Variants in ALK observed in about 807,000 individuals in gnomAD.
ALK encodes the protein ALK receptor tyrosine kinase.
In ALK, 74 loss-of-function variants were observed where a neutral mutation model predicts 163.1. The observed-to-expected ratio is 0.45, with a 90% CI of 0.38 to 0.55. The LOEUF (loss-of-function observed/expected upper bound fraction) is 0.55, where lower values mean the gene tolerates loss of function less well. Ranked by LOEUF, ALK falls within the 20% of genes least tolerant of loss-of-function variation. The pLI, the probability that ALK is intolerant of heterozygous loss-of-function variation, is 0.00. For synonymous variants in ALK, 960 were observed against 843.2 expected (o/e 1.14, Z -2.40); for missense variants, 2,063 against 2,105.3 (o/e 0.98, Z 0.39).
chr2:29,386,480 T>C (rs1391288877), intron 4 of ALK, among the ~76,000 whole-genome samples: 1 of 152,230 alleles, frequency 6.6e-6, no homozygotes, highest in African/African-American at 2.4e-5. Context: ...GCCGAATTTG[T>C]CTTGTTCTTC....
At chr2:29,528,884 C>T (rs1292625184) in intron 4 of ALK, among the ~76,000 whole-genome samples, 1 of 152,306 alleles carries the variant, frequency 6.6e-6, no homozygotes. Context: ...TTCTCTGCTT[C>T]CTTGCTTCTC....
Position 29,920,364 on chromosome 2 carries a change from A to G in ALK, c.296T>C (p.Leu99Pro). 1 of 1,556,234 alleles carries G rather than the reference A, an allele frequency of 6.4e-7. No homozygotes were observed. The highest frequency in any genetic ancestry group is 8.7e-7 in the Non-Finnish European group (1 of 1,151,124). ...CCCCGGCGCCGGCCCCAGCAACCTGAGCAGCGGGGCGCAGTCCAGAGCTAG... is the reference window on the plus strand; with the variant it reads ...CCCCGGCGCCGGCCCCAGCAACCTGGGCAGCGGGGCGCAGTCCAGAGCTAG... ...GSLALDCAPL[L>P]RLLGPAPGVS... is the part of the protein sequence containing the mutation. Residue 99 changes from leucine (L) to proline (P), a missense_variant, in exon 1 of 29, where the codon CTC (leucine) becomes CCC (proline). Physicochemically the swap from Leu to Pro is moderately conservative, Grantham distance 98. This residue lies in a region of ALK where 987 missense variants were observed against 939.5 expected (regional missense o/e 1.05). Coordinates refer to ENST00000389048, the MANE Select transcript of ALK (RefSeq NM_004304.5).
At chr2:29,202,055 C>T (rs148069963) in intron 26 of ALK, among the ~76,000 whole-genome samples, 19 of 152,258 alleles carry the variant, frequency 1.2e-4, no homozygotes, top group East Asian at 5.8e-4. Context: ...GTTCCAAGGC[C>T]GTCTGTGTTC....
At chr2:29,492,406 G>A (rs1671923470) in intron 4 of ALK, among the ~76,000 whole-genome samples, 1 of 152,188 alleles carries the variant, frequency 6.6e-6, no homozygotes, top group Non-Finnish European at 1.5e-5. Context: ...AGACAAGGAT[G>A]AAGGCCCTTG....
chr2:29,220,630 C>A, intron 23 of ALK, 76 bp downstream of exon 23: 1 of 1,604,510 alleles, frequency 6.2e-7, no homozygotes, highest in South Asian at 1.1e-5. Flanking sequence ...GCTACCCAGG[C>A]TGCCCACTCT....
At chr2:29,526,369 G>A (rs970328290) in intron 4 of ALK, among the ~76,000 whole-genome samples, 5 of 152,160 alleles carry the variant, frequency 3.3e-5, no homozygotes, top group East Asian at 1.9e-4. Flanking sequence ...AGAGAACTTC[G>A]AGCTACGTGA....
intron 4 of ALK, among the ~76,000 whole-genome samples, chr2:29,524,729 A>C (rs1672909829): frequency 6.6e-6 from 1 of 152,216 alleles, no homozygotes; most frequent in East Asian, 1.9e-4. Context: ...CAATATGTGA[A>C]GTACAAAGAG....
chr2:29,381,761 A>T (rs1668901741), intron 5 of ALK, among the ~76,000 whole-genome samples: 1 of 152,296 alleles, frequency 6.6e-6, no homozygotes, highest in African/African-American at 2.4e-5. Context: ...AAACATAGAC[A>T]TTTGCCTACA....
intron 3 of ALK, chr2:29,681,107 T>A (rs1678053501): frequency 6.6e-6 from 1 of 152,182 alleles, no homozygotes; most frequent in Non-Finnish European, 1.5e-5. Flanking sequence ...ATCAGCAAAG[T>A]AGTTTTGACC....
intron 5 of ALK, among the ~76,000 whole-genome samples, chr2:29,353,496 C>T (rs1005273670): frequency 1.3e-5 from 2 of 152,198 alleles, no homozygotes; most frequent in Non-Finnish European, 2.9e-5. Flanking sequence ...GCTTTTATTG[C>T]TTTGCCGAGT....
intron 4 of ALK, among the ~76,000 whole-genome samples, chr2:29,480,957 G>A (rs560679668): frequency 1.3e-5 from 2 of 152,258 alleles, no homozygotes; most frequent in East Asian, 1.9e-4. Flanking sequence ...CGAGGTTGCT[G>A]GTCCAGGGAC....
intron 26 of ALK, among the ~76,000 whole-genome samples, chr2:29,202,269 G>C (rs1363649371): frequency 6.6e-6 from 1 of 152,198 alleles, no homozygotes; most frequent in Non-Finnish European, 1.5e-5. Context: ...CTCCGGTAAG[G>C]AGCTTCCCCC....
intron 1 of ALK, among the ~76,000 whole-genome samples, chr2:29,728,544 G>A (rs1323223833): frequency 6.6e-6 from 1 of 152,220 alleles, no homozygotes; most frequent in Non-Finnish European, 1.5e-5. Context: ...CCATTGTGAA[G>A]GAGACAGACA....
At chr2:29,671,740 C>T (rs1218187439) in intron 3 of ALK, among the ~76,000 whole-genome samples, 1 of 152,038 alleles carries the variant, frequency 6.6e-6, no homozygotes, top group Admixed American at 6.6e-5. Flanking sequence ...GTCTGATCCT[C>T]ATGTTTGAAT....
chr2:29,366,886 T>A (rs1409506950), intron 5 of ALK, among the ~76,000 whole-genome samples: 1 of 152,226 alleles, frequency 6.6e-6, no homozygotes. Flanking sequence ...GTTTAATTTT[T>A]AATTTTTGCA....
intron 3 of ALK, among the ~76,000 whole-genome samples, chr2:29,680,495 T>G (rs1457812550): frequency 1.3e-5 from 2 of 151,766 alleles, no homozygotes; most frequent in Admixed American, 6.5e-5. Context: ...TTTTAGTTAC[T>G]GCACTTTCCA....
intron 6 of ALK, among the ~76,000 whole-genome samples, chr2:29,325,145 AGGG>A: frequency 6.6e-6 from 1 of 152,114 alleles, no homozygotes; most frequent in Non-Finnish European, 1.5e-5. Flanking sequence ...CAACCATGGC[AGGG>A]TTTGGTCAAC....
At chr2:29,435,164 C>T (rs149965255) in intron 4 of ALK, among the ~76,000 whole-genome samples, 158 of 152,232 alleles carry the variant, frequency 1.0e-3, no homozygotes, top group African/African-American at 3.7e-3. Flanking sequence ...ATGAGCTAAC[C>T]AAACGAAGGA....
chr2:29,896,263 G>A lies in ALK; in HGVS notation c.667+23730C>T, dbSNP rs1667268301. ...GAAGAACATTTGCCAAGATGAAGAA[G>A]AATACAAAGGGTACCTCCGACCCCC... On this transcript the variant is annotated intron_variant, in intron 1 of 28. Coordinates refer to ENST00000389048, the MANE Select transcript of ALK (RefSeq NM_004304.5). Among the ~76,000 whole-genome samples the A allele has an allele frequency of 2.6e-5, 4 of 152,080 alleles. No homozygotes were observed. In the South Asian group the frequency reaches 8.3e-4, roughly 32 times the overall value.
Sources: gnomAD v4.1 joint callset for allele counts (sites outside exome capture counted in the v4.1 genomes callset) on GRCh38, gnomAD v4.1.1 for gene constraint, gnomAD v4.1.1 regional missense constraint, MANE v1.5 for transcripts, NCBI Gene and HGNC (gene_info 2026-07-23, HGNC 2026-07-21) for gene names.